The following LRRC4B variants were observed in gnomAD, a reference collection of about 807,000 sequenced individuals.
LRRC4B encodes the protein leucine-rich repeat-containing protein 4B.
Under a neutral mutation model 7.3 loss-of-function variants are expected in LRRC4B, and 1 was observed. The observed-to-expected ratio is 0.14, with a 90% confidence interval of 0.05 to 0.65. The LOEUF (loss-of-function observed/expected upper bound fraction) is 0.65. Ranked by LOEUF, LRRC4B falls within the 30% of genes least tolerant of loss-of-function variation. LRRC4B has a pLI of 0.84. For missense variants in LRRC4B, 730 were observed against 1,041.6 expected, an observed-to-expected ratio of 0.70 and a Z score of 4.12; for synonymous variants, 500 against 499.2, an observed-to-expected ratio of 1.00 and a Z score of -0.02.
chr19:50,557,794 C>T (rs974243420), intron 1 of LRRC4B: 2 of 152,124 alleles, frequency 1.3e-5, no homozygotes, highest in African/African-American at 2.4e-5. Flanking sequence ...GGGTTTGAAT[C>T]GTGTGGTCCA....
intron 2 of LRRC4B, among the ~76,000 whole-genome samples, chr19:50,529,602 C>A (rs2122813062): frequency 6.6e-6 from 1 of 152,158 alleles, no homozygotes; most frequent in Middle Eastern, 3.4e-3. Flanking sequence ...GTCAGGAGTT[C>A]AAGACTAGCC....
intron 2 of LRRC4B, among the ~76,000 whole-genome samples, chr19:50,543,862 AAAAAAAAAAAAGAAAG>A (rs1317284840): frequency 2.0e-5 from 3 of 150,600 alleles, no homozygotes; most frequent in Non-Finnish European, 4.4e-5. Context: ...CAAAAAAAAA[AAAAAAAAAAAAGAAAG>A]AAAAGAAAAA....
rs1336991632 is a variant in LRRC4B at position 50,519,501 on chromosome 19, C to A, written c.298-86G>T. ...CCAAGGTCCCGGGCGCAGGTGGGGC[C>A]GTGTGGCTGGATCTCCCGTGCTGTG... On this transcript the variant is annotated intron_variant, in intron 2 of 2. Coordinates refer to ENST00000652263, the MANE Select transcript of LRRC4B (RefSeq NM_001080457.2). This position sits in a 1 kb window ranked among gnomAD's most constrained non-coding sequence, Gnocchi z 8.1. 3 of 1,452,466 alleles carry A rather than the reference C, an allele frequency of 2.1e-6. No homozygotes were observed. The East Asian group carries it at 7.5e-5, about 36-fold the overall frequency. The allele number at this position is 1,452,466 out of a possible 1,614,324, so 90.0% of individuals were successfully genotyped here.
At chr19:50,522,211 A>G (rs1980611612) in intron 2 of LRRC4B, among the ~76,000 whole-genome samples, 1 of 152,164 alleles carries the variant, frequency 6.6e-6, no homozygotes, top group African/African-American at 2.4e-5. Flanking sequence ...AAATGAAAAT[A>G]GTAATACCAG....
At chr19:50,561,922 G>A (rs991577200) in intron 1 of LRRC4B, among the ~76,000 whole-genome samples, 6 of 150,924 alleles carry the variant, frequency 4.0e-5, no homozygotes, top group East Asian at 1.9e-4. Context: ...ACAGTGAAAC[G>A]GTGTCTCTAC....
intron 1 of LRRC4B, among the ~76,000 whole-genome samples, chr19:50,552,610 AT>A (rs1982118962): frequency 9.5e-6 from 1 of 105,286 alleles, no homozygotes; most frequent in Non-Finnish European, 2.2e-5. Flanking sequence ...CCATCCATCC[AT>A]CCATCCATCC....
intron 1 of LRRC4B, among the ~76,000 whole-genome samples, chr19:50,560,806 C>T (rs1029476990): frequency 2.0e-5 from 3 of 152,114 alleles, no homozygotes; most frequent in African/African-American, 4.8e-5. Context: ...CATTTATTCT[C>T]GGCCGGGTGC....
intron 2 of LRRC4B, among the ~76,000 whole-genome samples, chr19:50,526,558 G>A (rs907329836): frequency 6.6e-5 from 10 of 152,118 alleles, no homozygotes; most frequent in Non-Finnish European, 1.2e-4. Context: ...AAGGATAGAC[G>A]AAGGATAGGC....
At chr19:50,545,037 A>G (rs1339095922) in intron 2 of LRRC4B, among the ~76,000 whole-genome samples, 2 of 151,414 alleles carry the variant, frequency 1.3e-5, no homozygotes, top group Non-Finnish European at 1.5e-5. Flanking sequence ...GTGTGAACCC[A>G]GGAGGCGGAG....
At position 50,537,505 on chromosome 19, in the gene LRRC4B, G is replaced by A. The variant is rs891505702; in HGVS notation, c.297+11037C>T. 2.0e-5 allele frequency among the ~76,000 whole-genome samples: 3 copies of A among 152,180 alleles called. No homozygotes were observed. The highest frequency in any genetic ancestry group is 7.2e-5 in the African/African-American group (3 of 41,436). ...GCGTCATTCGTGGAGGGGAGAACGCGGGTCTTGTGCCTCTCAGGACTCGCA... is the reference window on the plus strand; with the variant it reads ...GCGTCATTCGTGGAGGGGAGAACGCAGGTCTTGTGCCTCTCAGGACTCGCA... On this transcript the variant is annotated intron_variant, in intron 2 of 2. Transcript: ENST00000652263. The surrounding 1 kb of genome is among the most constrained non-coding windows in gnomAD (Gnocchi z 5.5).
intron 2 of LRRC4B, among the ~76,000 whole-genome samples, chr19:50,545,576 G>A (rs140757606): frequency 6.6e-6 from 1 of 152,130 alleles, no homozygotes; most frequent in Non-Finnish European, 1.5e-5. Flanking sequence ...GTGAGACCCT[G>A]TCTCTAAAAA....
intron 2 of LRRC4B, among the ~76,000 whole-genome samples, chr19:50,542,949 C>T (rs991131366): frequency 1.6e-4 from 24 of 152,124 alleles, no homozygotes; most frequent in Non-Finnish European, 2.2e-4. Flanking sequence ...AAAGTCCCCG[C>T]GAGGTTCTTG....
rs553303029 is a variant in LRRC4B at position 50,563,585 on chromosome 19, C to G, written c.-36+4359G>C. On this transcript the variant is annotated intron_variant, in intron 1 of 2. Transcript: ENST00000652263. The surrounding 1 kb of genome is among the most constrained non-coding windows in gnomAD (Gnocchi z 4.9). ...GCATCCCAGGTCCTCTAAGGCAGCC[C>G]CTGCTCTCCACCTGCTCTGGGGCCA... 2.0e-5 allele frequency among the ~76,000 whole-genome samples: 3 copies of G among 152,288 alleles called. No homozygotes were observed. Among genetic ancestry groups the G allele is most frequent in the South Asian group, 2.1e-4 (1 of 4,822 alleles).
At chr19:50,520,180 T>C in intron 2 of LRRC4B, among the ~76,000 whole-genome samples, 1 of 105,854 alleles carries the variant, frequency 9.4e-6, no homozygotes, top group African/African-American at 3.7e-5. Context: ...CACTCCAGCC[T>C]GGGCAATGAA....
intron 2 of LRRC4B, among the ~76,000 whole-genome samples, chr19:50,526,714 A>C (rs563968978): frequency 6.6e-6 from 1 of 152,338 alleles, no homozygotes; most frequent in Non-Finnish European, 1.5e-5. Context: ...ATATATACTC[A>C]TTTAGGAAAA....
chr19:50,549,172 T>C (rs1981947234), intron 1 of LRRC4B, among the ~76,000 whole-genome samples: 1 of 152,198 alleles, frequency 6.6e-6, no homozygotes, highest in Non-Finnish European at 1.5e-5. Context: ...CCAAGGTCAC[T>C]CATCCAGTAA....
At chr19:50,538,943 A>G (rs1356255508) in intron 2 of LRRC4B, among the ~76,000 whole-genome samples, 1 of 149,256 alleles carries the variant, frequency 6.7e-6, no homozygotes, top group Non-Finnish European at 1.5e-5. Context: ...GCTGGAGTGC[A>G]GTGGCACGAT....
chr19:50,558,316 C>T (rs1982351611), intron 1 of LRRC4B, among the ~76,000 whole-genome samples: 1 of 152,260 alleles, frequency 6.6e-6, no homozygotes, highest in African/African-American at 2.4e-5. Flanking sequence ...CTGCAGCCTC[C>T]ACCTCCCAGG....
intron 2 of LRRC4B, among the ~76,000 whole-genome samples, chr19:50,520,247 AGAAGAAAAGAAAAG>A (rs1980514483): frequency 6.2e-5 from 1 of 16,188 alleles, no homozygotes; most frequent in African/African-American, 4.9e-4. Flanking sequence ...AAAAAAAAAA[AGAAGAAAAGAAAAG>A]AAAAATGAAC....
Sources: allele counts gnomAD v4.1 joint callset (sites outside exome capture counted in the v4.1 genomes callset), GRCh38; gene constraint gnomAD v4.1.1; non-coding constraint Gnocchi (gnomAD v3.1); transcripts MANE v1.5; gene names NCBI Gene and HGNC (gene_info 2026-07-23, HGNC 2026-07-21).